PLXNA4: variants seen among roughly 807,000 people sequenced by gnomAD.
PLXNA4 encodes the protein plexin A4, also known as plexin-A4.
Under a neutral mutation model 191.8 loss-of-function variants are expected in PLXNA4, and 44 were observed. The observed-to-expected ratio is 0.23, with a 90% CI of 0.18 to 0.29. The LOEUF is 0.29. Ranked by LOEUF, PLXNA4 falls within the 10% of genes least tolerant of loss-of-function variation. The pLI is 1.00. For missense variants in PLXNA4, 1,800 were observed against 2,488.8 expected (o/e 0.72, Z 5.89); for synonymous variants, 1,082 against 1,009.5 (o/e 1.07, Z -1.36).
intron 1 of PLXNA4, among the ~76,000 whole-genome samples, chr7:132,554,603 T>G (rs1486830700): frequency 6.6e-6 from 1 of 152,202 alleles, no homozygotes; most frequent in Non-Finnish European, 1.5e-5. Flanking sequence ...CTAAGGTGCC[T>G]GGAAGAATCG....
intron 1 of PLXNA4, among the ~76,000 whole-genome samples, chr7:132,534,147 G>A (rs1485945735): frequency 6.6e-6 from 1 of 152,102 alleles, no homozygotes; most frequent in Non-Finnish European, 1.5e-5. Flanking sequence ...GTAAAGAGGA[G>A]AGGGGAACAG....
chr7:132,272,348 A>G (rs901998082), intron 4 of PLXNA4, among the ~76,000 whole-genome samples: 3 of 152,234 alleles, frequency 2.0e-5, no homozygotes, highest in South Asian at 4.1e-4. Flanking sequence ...TCAGTTTCTC[A>G]TCTGTAAAAT....
chr7:132,311,392 G>T (rs1657781131), intron 3 of PLXNA4, among the ~76,000 whole-genome samples: 1 of 152,068 alleles, frequency 6.6e-6, no homozygotes, highest in South Asian at 2.1e-4. Flanking sequence ...ATGGGGTCAT[G>T]AGCGCTCACT....
chr7:132,394,021 G>A (rs142002217), intron 3 of PLXNA4, among the ~76,000 whole-genome samples: 1 of 143,572 alleles, frequency 7.0e-6, no homozygotes, highest in African/African-American at 2.6e-5. Context: ...TGGCATCTCT[G>A]CCTGACCTTC....
At chr7:132,288,605 G>A (rs940240148) in intron 4 of PLXNA4, among the ~76,000 whole-genome samples, 5 of 152,210 alleles carry the variant, frequency 3.3e-5, no homozygotes, top group Non-Finnish European at 7.3e-5. Flanking sequence ...AGGCCAGCCT[G>A]GGTGCCAGGA....
At chr7:132,537,645 C>G (rs1323270244) in intron 1 of PLXNA4, among the ~76,000 whole-genome samples, 1 of 152,214 alleles carries the variant, frequency 6.6e-6, no homozygotes, top group Non-Finnish European at 1.5e-5. Context: ...GAGGCATCTA[C>G]TCAACATGCT....
At chr7:132,190,925 A>G (rs7778553) in intron 14 of PLXNA4, among the ~76,000 whole-genome samples, 60,485 of 152,148 alleles carry the variant, frequency 0.4, 15,953 homozygotes, top group African/African-American at 0.75. Flanking sequence ...GTCCCAGTAA[A>G]TGGGGTGGGG....
chr7:132,501,494 G>A (rs896949141), intron 2 of PLXNA4, among the ~76,000 whole-genome samples: 3 of 152,146 alleles, frequency 2.0e-5, no homozygotes, highest in African/African-American at 7.2e-5. Context: ...CTGCTGACCC[G>A]ATGGCCTCCA....
chr7:132,517,556 T>G (rs1236981613), intron 1 of PLXNA4, among the ~76,000 whole-genome samples: 1 of 152,200 alleles, frequency 6.6e-6, no homozygotes, highest in Non-Finnish European at 1.5e-5. Context: ...GCTCACTGCA[T>G]CTCAGAGCTG....
chr7:132,175,640 G>C (rs1796432842), intron 20 of PLXNA4, among the ~76,000 whole-genome samples: 1 of 152,220 alleles, frequency 6.6e-6, no homozygotes, highest in Non-Finnish European at 1.5e-5. Flanking sequence ...CCCCAGGAAA[G>C]TGAGCATGCA....
intron 2 of PLXNA4, among the ~76,000 whole-genome samples, chr7:132,628,448 G>GT (rs907082040): frequency 1.5e-4 from 23 of 151,496 alleles, no homozygotes; most frequent in African/African-American, 4.4e-4. Context: ...CTGTTAGAGT[G>GT]TTTTTTTCTC....
intron 3 of PLXNA4, among the ~76,000 whole-genome samples, chr7:132,305,112 C>T (rs1221545997): frequency 1.3e-5 from 2 of 152,176 alleles, no homozygotes; most frequent in Non-Finnish European, 2.9e-5. Context: ...CTTGGAGACT[C>T]TTACCTGCAC....
intron 22 of PLXNA4, among the ~76,000 whole-genome samples, chr7:132,165,857 G>A (rs370251128): frequency 1.3e-5 from 2 of 152,042 alleles, no homozygotes; most frequent in South Asian, 4.2e-4. Context: ...CCCAGCATTC[G>A]CCGCAGCATA....
intron 25 of PLXNA4, among the ~76,000 whole-genome samples, chr7:132,158,878 A>C (rs1003228304): frequency 6.6e-6 from 1 of 152,224 alleles, no homozygotes; most frequent in African/African-American, 2.4e-5. Flanking sequence ...CCTAACCAGC[A>C]TGCCCTTGTT....
intron 2 of PLXNA4, among the ~76,000 whole-genome samples, chr7:132,593,309 A>C (rs1485185503): frequency 2.2e-5 from 1 of 45,330 alleles, no homozygotes; most frequent in Non-Finnish European, 5.2e-5. Flanking sequence ...GGTCTCACTT[A>C]GGAAAAAAAA....
chr7:132,492,474 G>A lies in PLXNA4; in HGVS notation c.1189-3000C>T, dbSNP rs61078866. The stretch of plus-strand genomic sequence containing the variant: ...AAGCAAGAAGCCCAGGCAAGATCTG[G>A]GACAATGACAGATTTCTCCCTAAGT... On this transcript the variant is annotated intron_variant, in intron 2 of 31. Transcript: ENST00000321063. 0.013 allele frequency among the ~76,000 whole-genome samples: 1,996 copies of A among 152,228 alleles called. 203 individuals are homozygous for A. The East Asian group carries it at 0.27, about 20-fold the overall frequency.
At chr7:132,221,686 C>G (rs1798151102) in intron 9 of PLXNA4, among the ~76,000 whole-genome samples, 1 of 152,206 alleles carries the variant, frequency 6.6e-6, no homozygotes, top group Non-Finnish European at 1.5e-5. Flanking sequence ...GAGATTCACA[C>G]TCTTACATAA....
At chr7:132,396,760 G>A (rs1160893866) in intron 3 of PLXNA4, among the ~76,000 whole-genome samples, 2 of 152,248 alleles carry the variant, frequency 1.3e-5, no homozygotes, top group East Asian at 1.9e-4. Flanking sequence ...CCAGTGTGCT[G>A]GGATTACAGG....
At chr7:132,580,968 G>T (rs1314733336), upstream of PLXNA4, among the ~76,000 whole-genome samples, 4 of 152,190 alleles carry the variant, frequency 2.6e-5, no homozygotes, top group Non-Finnish European at 4.4e-5. Flanking sequence ...GGAGCCTTCC[G>T]CAGTGACACA....
Sources: allele counts gnomAD v4.1 joint callset (sites outside exome capture counted in the v4.1 genomes callset), GRCh38; gene constraint gnomAD v4.1.1; transcripts MANE v1.5; gene names NCBI Gene and HGNC (gene_info 2026-07-23, HGNC 2026-07-21).